The following RASAL2 variants were observed in gnomAD, a reference collection of about 807,000 sequenced individuals.
RASAL2 encodes the protein RAS protein activator like 2.
In RASAL2, 58 loss-of-function variants were observed where a neutral mutation model predicts 128.9. The observed-to-expected ratio is 0.45, with a 90% confidence interval of 0.36 to 0.56. The LOEUF is 0.56. Ranked by LOEUF, RASAL2 falls within the 20% of genes least tolerant of loss-of-function variation. The pLI is 0.00. For synonymous variants in RASAL2, 561 were observed against 580.8 expected, an observed-to-expected ratio of 0.97 and a Z score of 0.49; for missense variants, 1,360 against 1,601.6, an observed-to-expected ratio of 0.85 and a Z score of 2.57.
intron 13 of RASAL2, 30 bp downstream of exon 13, chr1:178,456,929 C>A (rs199970455): frequency 6.3e-7 from 1 of 1,590,066 alleles, no homozygotes; most frequent in Admixed American, 1.7e-5. Flanking sequence ...ACCACTATCT[C>A]GGAGAAACAT....
chr1:178,277,414 C>T (rs1048351581), intron 1 of RASAL2, among the ~76,000 whole-genome samples: 8 of 152,154 alleles, frequency 5.3e-5, no homozygotes, highest in African/African-American at 1.9e-4. Context: ...CCACCTTGGC[C>T]TCCCAAAGTG....
intron 1 of RASAL2, among the ~76,000 whole-genome samples, chr1:178,205,128 CTGAG>C (rs1165812720): frequency 6.6e-6 from 1 of 152,122 alleles, no homozygotes; most frequent in Non-Finnish European, 1.5e-5. Flanking sequence ...CCTCAGCCTC[CTGAG>C]TATCTGGGAT....
intron 1 of RASAL2, among the ~76,000 whole-genome samples, chr1:178,151,916 T>A (rs902653312): frequency 2.0e-5 from 3 of 152,252 alleles, no homozygotes; most frequent in Admixed American, 2.0e-4. Flanking sequence ...ACATCCTGGC[T>A]GAGGTGTAGT....
chr1:178,473,583 T>A lies in RASAL2; in HGVS notation c.*344T>A, dbSNP rs1029166659. On this transcript the variant is annotated 3_prime_UTR_variant, in exon 18 of 18. Coordinates refer to ENST00000367649, the MANE Select transcript of RASAL2 (RefSeq NM_170692.4). Reference sequence around the variant, plus strand: ...CCTCTTGTTGAAAGCACTGCAGTTGTTACAGGAAGTAAAGTAGGAACTGTT... The same window carrying A: ...CCTCTTGTTGAAAGCACTGCAGTTGATACAGGAAGTAAAGTAGGAACTGTT... 2.8e-5 allele frequency: 8 copies of A among 285,076 alleles called. No individual in the cohort carries two copies. Among genetic ancestry groups the A allele is most frequent in the Non-Finnish European group, 4.7e-5 (7 of 149,638 alleles). The allele number at this position is 285,076 out of a possible 1,614,324, so 17.7% of individuals were successfully genotyped here. A position where few individuals can be genotyped will look rare whatever the true frequency, so the allele number is the denominator to read the frequency against.
intron 4 of RASAL2, among the ~76,000 whole-genome samples, chr1:178,415,896 T>A (rs1388656758): frequency 6.6e-6 from 1 of 152,140 alleles, no homozygotes; most frequent in Admixed American, 6.5e-5. Flanking sequence ...TTTTGATTAG[T>A]GTTGGCATAG....
chr1:178,202,316 C>G (rs866227841), intron 1 of RASAL2, among the ~76,000 whole-genome samples: 4 of 152,180 alleles, frequency 2.6e-5, no homozygotes, highest in Admixed American at 6.5e-5. Flanking sequence ...TGCCTTCTCT[C>G]CCCCAGCCTG....
intron 3 of RASAL2, among the ~76,000 whole-genome samples, chr1:178,356,785 T>A (rs186579808): frequency 6.6e-6 from 1 of 152,308 alleles, no homozygotes; most frequent in East Asian, 1.9e-4. Flanking sequence ...ATGTTCTAAT[T>A]CTTGCTATGG....
At chr1:178,360,168 A>G (rs908237869) in intron 3 of RASAL2, among the ~76,000 whole-genome samples, 1 of 152,066 alleles carries the variant, frequency 6.6e-6, no homozygotes, top group Non-Finnish European at 1.5e-5. Flanking sequence ...CTCCACCCCC[A>G]ACCCCACCAT....
chr1:178,286,632 G>A (rs1415880879), intron 2 of RASAL2, among the ~76,000 whole-genome samples: 1 of 152,048 alleles, frequency 6.6e-6, no homozygotes, highest in Admixed American at 6.6e-5. Flanking sequence ...GGCTGGTCTC[G>A]AACTCCTGAC....
intron 9 of RASAL2, among the ~76,000 whole-genome samples, chr1:178,449,602 T>C (rs16852829): frequency 0.07 from 10,679 of 152,084 alleles, 1,210 homozygotes; most frequent in African/African-American, 0.24. Flanking sequence ...AAGTGGGTTT[T>C]TTAATCTGTG....
chr1:178,360,346 G>C (rs745492035), intron 3 of RASAL2, among the ~76,000 whole-genome samples: 11 of 152,130 alleles, frequency 7.2e-5, no homozygotes, highest in Non-Finnish European at 1.3e-4. Flanking sequence ...AGCCCCTGTT[G>C]GTTATTGTTG....
At chr1:178,450,995 G>A (rs548237235) in intron 9 of RASAL2, among the ~76,000 whole-genome samples, 15 of 152,220 alleles carry the variant, frequency 9.9e-5, no homozygotes, top group African/African-American at 3.4e-4. Flanking sequence ...GTATGAACAC[G>A]GCTTCTAAAC....
intron 4 of RASAL2, among the ~76,000 whole-genome samples, chr1:178,393,468 G>A (rs548681305): frequency 3.3e-5 from 5 of 152,232 alleles, no homozygotes; most frequent in African/African-American, 7.2e-5. Flanking sequence ...TAATGCCACC[G>A]CTGATCTGAC....
intron 1 of RASAL2, among the ~76,000 whole-genome samples, chr1:178,157,379 T>TC (rs1661119342): frequency 1.3e-5 from 2 of 152,346 alleles, no homozygotes; most frequent in African/African-American, 4.8e-5. Flanking sequence ...AACAGTGGTG[T>TC]CCATCTACTC....
chr1:178,216,369 C>T (rs1281650119), intron 1 of RASAL2, among the ~76,000 whole-genome samples: 1 of 152,164 alleles, frequency 6.6e-6, no homozygotes, highest in Non-Finnish European at 1.5e-5. Context: ...ATGTTCTATT[C>T]CACATGCCTG....
At chr1:178,166,948 C>T (rs1352342920) in intron 1 of RASAL2, among the ~76,000 whole-genome samples, 1 of 152,026 alleles carries the variant, frequency 6.6e-6, no homozygotes, top group Non-Finnish European at 1.5e-5. Flanking sequence ...TATTAGGAGT[C>T]ATTTTTAAGT....
intron 1 of RASAL2, among the ~76,000 whole-genome samples, chr1:178,193,461 A>C (rs1020591700): frequency 6.6e-6 from 1 of 152,222 alleles, no homozygotes; most frequent in South Asian, 2.1e-4. Flanking sequence ...ATAAAAATTA[A>C]ATCAGCACTT....
chr1:178,138,735 A>T (rs903402543), intron 1 of RASAL2, among the ~76,000 whole-genome samples: 1 of 152,148 alleles, frequency 6.6e-6, no homozygotes, highest in African/African-American at 2.4e-5. Flanking sequence ...TTCTTAATTT[A>T]TACCTTTTGG....
chr1:178,418,736 G>T (rs1674942202), intron 4 of RASAL2, among the ~76,000 whole-genome samples: 1 of 152,158 alleles, frequency 6.6e-6, no homozygotes, highest in African/African-American at 2.4e-5. Flanking sequence ...TTCCCTTTCT[G>T]AGTACCTGGT....
Sources: gnomAD v4.1 joint callset for allele counts (sites outside exome capture counted in the v4.1 genomes callset) on GRCh38, gnomAD v4.1.1 for gene constraint, MANE v1.5 for transcripts, NCBI Gene and HGNC (gene_info 2026-07-23, HGNC 2026-07-21) for gene names.